CTNNA2: variants seen among roughly 807,000 people sequenced by gnomAD.
CTNNA2 encodes the protein catenin alpha-2.
A neutral mutation model predicts 101.0 loss-of-function variants in CTNNA2; 42 were observed. The ratio of observed to expected loss-of-function variants is 0.42; its 90% confidence interval spans 0.32 to 0.54. The LOEUF (loss-of-function observed/expected upper bound fraction) is 0.54. CTNNA2 is among the 20% of genes least tolerant of loss of function. The pLI is 0.14. For missense variants in CTNNA2, 871 were observed against 1,223.1 expected (o/e 0.71, Z 4.29); for synonymous variants, 450 against 456.4 (o/e 0.99, Z 0.18).
chr2:80,279,287 G>C (rs1157551128), intron 7 of CTNNA2, among the ~76,000 whole-genome samples: 1 of 151,998 alleles, frequency 6.6e-6, no homozygotes, highest in Non-Finnish European at 1.5e-5. Context: ...ATATAATAGA[G>C]AGAAGGGCCA....
At chr2:79,315,059 G>T (rs1474870637) in intron 3 of CTNNA2, among the ~76,000 whole-genome samples, 2 of 152,092 alleles carry the variant, frequency 1.3e-5, no homozygotes, top group Non-Finnish European at 2.9e-5. Context: ...TACTATTTGG[G>T]TGTAATAGGT....
chr2:80,006,407 A>G (rs925383306), intron 7 of CTNNA2, among the ~76,000 whole-genome samples: 1 of 152,058 alleles, frequency 6.6e-6, no homozygotes, highest in Admixed American at 6.6e-5. Context: ...AGAGAGGTCA[A>G]ATAACTTGTC....
intron 7 of CTNNA2, among the ~76,000 whole-genome samples, chr2:80,092,261 A>G (rs879140265): frequency 2.0e-5 from 3 of 152,280 alleles, no homozygotes; most frequent in African/African-American, 4.8e-5. Context: ...AAGTAGTTGT[A>G]TAGCAAATAT....
At chr2:80,369,529 G>C (rs543066292) in intron 7 of CTNNA2, among the ~76,000 whole-genome samples, 1 of 152,014 alleles carries the variant, frequency 6.6e-6, no homozygotes, top group African/African-American at 2.4e-5. Context: ...GGATATCCAC[G>C]TACTAAGTCC....
intron 7 of CTNNA2, among the ~76,000 whole-genome samples, chr2:80,388,833 A>C (rs559135788): frequency 6.6e-6 from 1 of 152,210 alleles, no homozygotes; most frequent in Middle Eastern, 3.2e-3. Context: ...ATGGAGAGCT[A>C]GGTGAGGCTT....
intron 5 of CTNNA2, among the ~76,000 whole-genome samples, chr2:79,505,825 T>C (rs1671400368): frequency 6.6e-6 from 1 of 152,250 alleles, no homozygotes; most frequent in Admixed American, 6.5e-5. Flanking sequence ...GAGTTGTCAG[T>C]TTGTCTCATT....
chr2:80,629,789 T>C (rs1672083373), intron 18 of CTNNA2, among the ~76,000 whole-genome samples: 1 of 152,206 alleles, frequency 6.6e-6, no homozygotes, highest in South Asian at 2.1e-4. Context: ...CCAGTAGTGA[T>C]AATCACAAAC....
At chr2:79,814,674 T>A (rs1170020325) in intron 3 of CTNNA2, among the ~76,000 whole-genome samples, 1 of 150,978 alleles carries the variant, frequency 6.6e-6, no homozygotes, top group Non-Finnish European at 1.5e-5. Context: ...TATCCACTCA[T>A]TGATTGATGG....
intron 3 of CTNNA2, among the ~76,000 whole-genome samples, chr2:79,792,425 C>T (rs1165515894): frequency 6.6e-6 from 1 of 152,156 alleles, no homozygotes; most frequent in East Asian, 1.9e-4. Context: ...CTCTGCTCAG[C>T]CTTGTTGCCC....
At chr2:80,320,929 T>G (rs539653898) in intron 7 of CTNNA2, among the ~76,000 whole-genome samples, 139 of 152,324 alleles carry the variant, frequency 9.1e-4, no homozygotes, top group Non-Finnish European at 1.6e-3. Flanking sequence ...CACATTTCAT[T>G]AGGGTGGTGA....
chr2:79,538,849 G>A (rs1249198830), intron 1 of CTNNA2, among the ~76,000 whole-genome samples: 2 of 152,140 alleles, frequency 1.3e-5, no homozygotes, highest in Non-Finnish European at 2.9e-5. Context: ...ATGACATGAT[G>A]ACTGTGCAAA....
At chr2:79,315,133 C>A (rs1424305513) in intron 3 of CTNNA2, among the ~76,000 whole-genome samples, 1 of 152,072 alleles carries the variant, frequency 6.6e-6, no homozygotes, top group African/African-American at 2.4e-5. Flanking sequence ...CTCTCTTTTT[C>A]TTCTGACCTT....
chr2:79,305,657 C>T (rs2104394807), intron 2 of CTNNA2, among the ~76,000 whole-genome samples: 1 of 152,204 alleles, frequency 6.6e-6, no homozygotes, highest in South Asian at 2.1e-4. Flanking sequence ...ATGTTGACAT[C>T]TCTCTATCCA....
intron 7 of CTNNA2, among the ~76,000 whole-genome samples, chr2:80,333,726 A>G (rs1189584538): frequency 1.3e-5 from 2 of 152,156 alleles, no homozygotes; most frequent in Non-Finnish European, 1.5e-5. Context: ...CCTGGATTCA[A>G]CAATTCTCCT....
chr2:79,878,709 A>G (rs1164132079), intron 6 of CTNNA2, among the ~76,000 whole-genome samples: 1 of 152,118 alleles, frequency 6.6e-6, no homozygotes, highest in East Asian at 1.9e-4. Context: ...AGTTCCTTGT[A>G]AATTCTGAAT....
intron 3 of CTNNA2, among the ~76,000 whole-genome samples, chr2:79,834,633 G>A (rs939365861): frequency 7.2e-5 from 2 of 27,710 alleles, no homozygotes; most frequent in Non-Finnish European, 1.6e-4. Flanking sequence ...TGTATTTTAT[G>A]TACTATTTTT....
At chr2:80,247,517 G>A (rs1400751035) in intron 7 of CTNNA2, among the ~76,000 whole-genome samples, 1 of 152,168 alleles carries the variant, frequency 6.6e-6, no homozygotes, top group Non-Finnish European at 1.5e-5. Flanking sequence ...AAGGATGTCA[G>A]TGAGCCAGAC....
At chr2:79,284,856 T>C (rs1475826218) in intron 2 of CTNNA2, among the ~76,000 whole-genome samples, 1 of 144,132 alleles carries the variant, frequency 6.9e-6, no homozygotes, top group Admixed American at 7.0e-5. Flanking sequence ...TCCTTGTACC[T>C]CTGGTAGAAT....
chr2:80,374,557 G>A (rs1205523026), intron 7 of CTNNA2, among the ~76,000 whole-genome samples: 1 of 152,028 alleles, frequency 6.6e-6, no homozygotes, highest in East Asian at 1.9e-4. Context: ...CACAGTTCTG[G>A]AGACTAGAAG....
Sources: gnomAD v4.1 joint callset for allele counts (sites outside exome capture counted in the v4.1 genomes callset) on GRCh38, gnomAD v4.1.1 for gene constraint, MANE v1.5 for transcripts, NCBI Gene and HGNC (gene_info 2026-07-23, HGNC 2026-07-21) for gene names.